TAOK2: variants seen among roughly 807,000 people sequenced by gnomAD.
TAOK2 encodes TAO kinase 2.
TAOK2 carries 42 observed loss-of-function variants against 122.5 expected under a neutral mutation model. That is an observed-to-expected ratio of 0.34 (90% CI 0.27 to 0.44). The LOEUF is 0.44. Among genes scored for constraint, TAOK2 ranks in the 20% least tolerant of loss-of-function variants. TAOK2 has a pLI of 1.00. For synonymous variants in TAOK2, 704 were observed against 677.6 expected, an observed-to-expected ratio of 1.04 and a Z score of -0.61; for missense variants, 1,264 against 1,644.9, an observed-to-expected ratio of 0.77 and a Z score of 4.01.
chr16:29,991,658 G>C (rs1057285953), downstream of TAOK2: 5 of 1,374,870 alleles, frequency 3.6e-6, no homozygotes, highest in African/African-American at 4.6e-5. This position sits in a 1 kb window ranked among gnomAD's most constrained non-coding sequence, Gnocchi z 5.6. Flanking sequence ...CCCCTGCAAG[G>C]GTAGGGGACA....
Position 29,986,481 on chromosome 16 carries a change from C to A in TAOK2, c.2209C>A (p.Arg737Ser). Reference protein sequence around the residue: ...ELRQKHAAQVRQQPKSLKVRA... With the variant: ...ELRQKHAAQVSQQPKSLKVRA... ...GCGGCAGAAGCATGCGGCCCAGGTT[C>A]GCCAGCAGCCCAAGAGCCTCAAAGT... The change falls in exon 16 of 16, where the codon CGC becomes AGC. Residue 737 changes from arginine to serine, a missense_variant. By Grantham distance (110) the Arg-to-Ser change is moderately radical. Transcript: ENST00000308893. The surrounding 1 kb of genome is among the most constrained non-coding windows in gnomAD (Gnocchi z 4.2). The A allele has an allele frequency of 6.2e-7, 1 of 1,604,342 alleles. No individual in the cohort carries two copies. Among genetic ancestry groups the A allele is most frequent in the Non-Finnish European group, 8.5e-7 (1 of 1,175,022 alleles).
Position 29,986,978 on chromosome 16 carries a change from GGAA to G in TAOK2, c.2712_2714del (p.Glu907del), listed in dbSNP as rs762399487. ...CACTGACTCCCGTCCCTGAGGAGGA[GGAA>G]GAAGAGGAAGAGGGGGCTCCGATTG... On this transcript the variant is annotated inframe_deletion, in exon 16 of 16. Transcript: ENST00000308893. This position sits in a 1 kb window ranked among gnomAD's most constrained non-coding sequence, Gnocchi z 4.2. 3 of 1,613,534 alleles carry G rather than the reference GGAA, an allele frequency of 1.9e-6. No individual in the cohort carries two copies. The highest frequency in any genetic ancestry group is 2.5e-6 in the Non-Finnish European group (3 of 1,179,646).
rs1458193100 is a variant in TAOK2, at chr16:29,987,122, C to A, written c.2850C>A (p.Gly950=). The change falls in exon 16 of 16, where the codon GGC becomes GGA. Residue 950 remains glycine (G), a synonymous_variant. Transcript: ENST00000308893. ...ASQLPGLLSH[G]LLAGLSFAVG... ...AGCTCCCTGGACTCCTGTCCCATGG[C>A]CTCCTGGCCGGCCTCTCCTTTGCAG... The A allele has an allele frequency of 4.4e-6, 7 of 1,606,240 alleles. No individual in the cohort carries two copies. The highest frequency in any genetic ancestry group is 6.0e-6 in the Non-Finnish European group (7 of 1,176,438).
chr16:29,975,362 C>A (rs1036443955), intron 1 of TAOK2, among the ~76,000 whole-genome samples: 1 of 152,180 alleles, frequency 6.6e-6, no homozygotes, highest in Non-Finnish European at 1.5e-5. Context: ...AGAGGTTGCC[C>A]AAGGTCACAC....
chr16:29,985,169 G>A lies in TAOK2; in HGVS notation c.1423-44G>A. On this transcript the variant is annotated intron_variant, in intron 13 of 15. Transcript: ENST00000308893. This position sits in a 1 kb window ranked among gnomAD's most constrained non-coding sequence, Gnocchi z 6.9. Reference sequence around the variant, plus strand: ...GAAGACCCCTTGTGTTAATTAACTAGGGGCCAGGCTGAGCCCCAGCTCTCA... The same window carrying A: ...GAAGACCCCTTGTGTTAATTAACTAAGGGCCAGGCTGAGCCCCAGCTCTCA... The A allele has an allele frequency of 6.8e-7, 1 of 1,467,492 alleles. No individual in the cohort carries two copies. Among genetic ancestry groups the A allele is most frequent in the Non-Finnish European group, 9.0e-7 (1 of 1,107,718 alleles). 90.9% of individuals were successfully genotyped at this position (1,467,492 alleles called of 1,614,324 possible). A position where few individuals can be genotyped will look rare whatever the true frequency, so the allele number is the denominator to read the frequency against.
At chr16:29,977,477 G>T (rs1009875669) in intron 1 of TAOK2, among the ~76,000 whole-genome samples, 2 of 152,154 alleles carry the variant, frequency 1.3e-5, no homozygotes, top group Admixed American at 6.5e-5. Flanking sequence ...AGCACTGAAG[G>T]GGGTGGTGAG....
At chr16:29,984,793 A>G (rs2069730157) in intron 13 of TAOK2, among the ~76,000 whole-genome samples, 1 of 152,142 alleles carries the variant, frequency 6.6e-6, no homozygotes, top group South Asian at 2.1e-4. Flanking sequence ...TATTAGATAG[A>G]GTCCGAACTT....
chr16:29,978,407 T>C (rs774216110), intron 4 of TAOK2, 54 bp downstream of exon 4: 1 of 1,566,870 alleles, frequency 6.4e-7, no homozygotes, highest in Non-Finnish European at 8.8e-7. Context: ...TGCCCGTCCT[T>C]ATCGTAGTCC....
At chr16:29,978,040 T>C (rs1345292514) in intron 2 of TAOK2, 49 bp from the exon 3 acceptor site, 14 of 1,612,996 alleles carry the variant, frequency 8.7e-6, no homozygotes, top group Non-Finnish European at 1.2e-5. Flanking sequence ...AGTCTTCCCA[T>C]GCCCGGCTCT....
downstream of TAOK2, chr16:29,990,528 T>C (rs755546971): frequency 9.3e-6 from 3 of 322,686 alleles, no homozygotes; most frequent in East Asian, 4.9e-5. Context: ...CCATCCCTTA[T>C]TGGTGGACAT....
downstream of TAOK2, chr16:29,989,457 T>C (rs2069912781): frequency 4.1e-6 from 6 of 1,473,592 alleles, no homozygotes; most frequent in African/African-American, 4.2e-5. Context: ...TCCCTCTCCC[T>C]GTCTCTGCTT....
At chr16:29,981,826 C>A in intron 9 of TAOK2, 33 bp from the exon 10 acceptor site, 1 of 1,598,520 alleles carries the variant, frequency 6.3e-7, no homozygotes, top group Non-Finnish European at 8.6e-7. Context: ...TCATGCCTTC[C>A]CCACCCCTCT....
In TAOK2 at chr16:29,979,669, C is replaced by G. The variant is rs939451796; in HGVS notation, c.655+161C>G. The stretch of plus-strand genomic sequence containing the variant: ...GCCCAATACAGGCAGCTGGCAAATT[C>G]TGCCAGCTCTTAGGCCTAGAGATTT... On this transcript the variant is annotated intron_variant, in intron 8 of 15. Coordinates refer to ENST00000308893, the MANE Select transcript of TAOK2 (RefSeq NM_016151.4). The surrounding 1 kb of genome is among the most constrained non-coding windows in gnomAD (Gnocchi z 4.1). Among the ~76,000 whole-genome samples, 1 of 152,196 alleles carries G rather than the reference C, an allele frequency of 6.6e-6. No individual in the cohort carries two copies. The highest frequency in any genetic ancestry group is 2.4e-5 in the African/African-American group (1 of 41,442).
downstream of TAOK2, chr16:29,989,383 C>T: frequency 1.0e-6 from 1 of 985,238 alleles, no homozygotes; most frequent in Non-Finnish European, 1.2e-6. Context: ...TCCCACCTCT[C>T]CATGTCTGTC....
downstream of TAOK2, chr16:29,988,647 G>T (rs754828373): frequency 1.6e-5 from 16 of 985,334 alleles, no homozygotes; most frequent in Non-Finnish European, 1.9e-5. Context: ...CCTGTTTGCG[G>T]GTTCCTTCCA....
In TAOK2 at chr16:29,983,273, A is replaced by G. The variant is rs35174880; in HGVS notation, c.1201A>G (p.Met401Val). 4 of 1,606,212 alleles carry G rather than the reference A, an allele frequency of 2.5e-6. No homozygotes were observed. Among genetic ancestry groups the G allele is most frequent in the Non-Finnish European group, 3.4e-6 (4 of 1,179,888 alleles). ...AGGCCCTGAAGCCCGGGAGATGGCC[A>G]TGATGCAGGAGGGGGAGCACACAGT... ...EEGPEAREMA[M>V]MQEGEHTVTS... The change falls in exon 12 of 16, where the codon ATG becomes GTG. Residue 401 changes from methionine (M) to valine (V), a missense_variant. Met to Val is a conservative substitution (Grantham distance 21). Coordinates refer to ENST00000308893, the MANE Select transcript of TAOK2 (RefSeq NM_016151.4).
downstream of TAOK2, chr16:29,992,150 T>C (rs909598045): frequency 1.3e-5 from 2 of 151,312 alleles, no homozygotes; most frequent in Non-Finnish European, 2.9e-5. Flanking sequence ...GGAAGGACCT[T>C]GGAAGGGGCT....
chr16:29,989,193 A>G (rs1309449792), downstream of TAOK2: 1 of 984,536 alleles, frequency 1.0e-6, no homozygotes. Context: ...TTCTGTCTCT[A>G]GGTCACAGTC....
In TAOK2 at chr16:29,987,638, C is replaced by G; in HGVS notation, c.3366C>G (p.Gly1122=). 3 of 1,613,280 alleles carry G rather than the reference C, an allele frequency of 1.9e-6. No homozygotes were observed. The highest frequency in any genetic ancestry group is 2.5e-6 in the Non-Finnish European group (3 of 1,179,476). Residue 1122 remains glycine, a synonymous_variant, in exon 16 of 16, where the codon GGC becomes GGG. Transcript: ENST00000308893. ...TGTACCCCAAAACCAACAAGGATGG[C>G]TTCCGCAGCCGCCTGCCCGTCCCTG... is the stretch of plus-strand genomic sequence containing the variant. ...FALYPKTNKD[G]FRSRLPVPGP...
Sources: allele counts gnomAD v4.1 joint callset (sites outside exome capture counted in the v4.1 genomes callset), GRCh38; gene constraint gnomAD v4.1.1; non-coding constraint Gnocchi (gnomAD v3.1); transcripts MANE v1.5; gene names NCBI Gene and HGNC (gene_info 2026-07-23, HGNC 2026-07-21).